Variants in MIB1 observed in about 807,000 individuals in gnomAD.
MIB1 encodes the protein MIB E3 ubiquitin protein ligase 1, also known as E3 ubiquitin-protein ligase MIB1.
In MIB1, 278 loss-of-function variants were observed where a neutral mutation model predicts 124.5. That is an observed-to-expected ratio of 2.23 (90% CI 2.02 to 2.47). The LOEUF (loss-of-function observed/expected upper bound fraction) is 2.47, where lower values mean the gene tolerates loss of function less well. Among genes scored for constraint, MIB1 ranks in the 30% most tolerant of loss-of-function variants. MIB1 has a pLI of 0.00. For missense variants in MIB1, 957 were observed against 1,254.4 expected (o/e 0.76, Z 3.58); for synonymous variants, 446 against 429.4 (o/e 1.04, Z -0.48).
At chr18:21,830,084 T>C (rs1048774193) in intron 12 of MIB1, among the ~76,000 whole-genome samples, 2 of 152,128 alleles carry the variant, frequency 1.3e-5, no homozygotes, top group Non-Finnish European at 2.9e-5. Flanking sequence ...CTGCAGCTTG[T>C]GATAAAAAGC....
At chr18:21,752,290 T>A (rs912491224) in intron 1 of MIB1, among the ~76,000 whole-genome samples, 3 of 152,204 alleles carry the variant, frequency 2.0e-5, no homozygotes, top group African/African-American at 7.2e-5. Context: ...TATCATATAA[T>A]AGTATTCAAA....
Position 21,857,238 on chromosome 18 carries a change from A to G in MIB1, c.2774A>G (p.Asp925Gly), listed in dbSNP as rs764114928. ...GGKSSEDATD[D>G]ISSGNIPVLQ... Reference sequence around the variant, plus strand: ...AAAAGTTCAGAAGATGCCACTGATGATATCTGTAAGTCGATTGTCTTAAGC... The same window carrying G: ...AAAAGTTCAGAAGATGCCACTGATGGTATCTGTAAGTCGATTGTCTTAAGC... The change falls in exon 19 of 21, where the codon GAT becomes GGT. Residue 925 changes from aspartate (D) to glycine (G), a missense_variant. By Grantham distance (94) the Asp-to-Gly change is moderately conservative. Coordinates refer to ENST00000261537, the MANE Select transcript of MIB1 (RefSeq NM_020774.4). 2 of 1,609,022 alleles carry G rather than the reference A, an allele frequency of 1.2e-6. No homozygotes were observed. Among genetic ancestry groups the G allele is most frequent in the African/African-American group, 2.7e-5 (2 of 74,824 alleles).
At chr18:21,776,781 C>T (rs906430347) in intron 4 of MIB1, among the ~76,000 whole-genome samples, 4 of 151,612 alleles carry the variant, frequency 2.6e-5, no homozygotes, top group Admixed American at 6.6e-5. Context: ...GTCAGGCGTT[C>T]GAGACCAGCC....
intron 9 of MIB1, among the ~76,000 whole-genome samples, chr18:21,800,606 C>T (rs8098170): frequency 0.016 from 2,461 of 152,174 alleles, 63 homozygotes; most frequent in African/African-American, 0.056. Flanking sequence ...GTATTACGTT[C>T]GGTGTCAGCC....
At chr18:21,723,759 C>T (rs2040725411) in intron 1 of MIB1, among the ~76,000 whole-genome samples, 1 of 152,212 alleles carries the variant, frequency 6.6e-6, no homozygotes, top group Admixed American at 6.5e-5. Context: ...CGTGATCCAC[C>T]CGCCTCAGCC....
intron 1 of MIB1, among the ~76,000 whole-genome samples, chr18:21,752,156 T>C (rs2040982061): frequency 6.6e-6 from 1 of 152,254 alleles, no homozygotes. Context: ...ACTATTGTAG[T>C]AGTACTGGGG....
At chr18:21,802,236 A>G (rs973874618) in intron 9 of MIB1, among the ~76,000 whole-genome samples, 1 of 152,162 alleles carries the variant, frequency 6.6e-6, no homozygotes, top group Non-Finnish European at 1.5e-5. Context: ...ACAATGATGC[A>G]CCTTGATGTG....
At chr18:21,848,710 TA>T (rs2042156128) in intron 16 of MIB1, among the ~76,000 whole-genome samples, 3 of 152,178 alleles carry the variant, frequency 2.0e-5, no homozygotes, top group Admixed American at 1.3e-4. Flanking sequence ...AGGATACACT[TA>T]AAAATGTCAA....
upstream of MIB1, among the ~76,000 whole-genome samples, chr18:21,740,701 G>A (rs1458754613): frequency 6.6e-6 from 1 of 152,228 alleles, no homozygotes; most frequent in Non-Finnish European, 1.5e-5. Context: ...GCAACTCCAG[G>A]GATCCGCCCC....
At chr18:21,809,600 T>C (rs1426033189) in intron 10 of MIB1, among the ~76,000 whole-genome samples, 1 of 152,064 alleles carries the variant, frequency 6.6e-6, no homozygotes, top group East Asian at 1.9e-4. Flanking sequence ...TGGTTTAACA[T>C]AGGAAAATCA....
intron 1 of MIB1, among the ~76,000 whole-genome samples, chr18:21,764,427 T>C (rs2041132690): frequency 6.6e-6 from 1 of 152,240 alleles, no homozygotes; most frequent in South Asian, 2.1e-4. Context: ...TACCCAGTAG[T>C]GTATTATATT....
chr18:21,825,973 A>C (rs2041921474), intron 12 of MIB1: 1 of 312,174 alleles, frequency 3.2e-6, no homozygotes, highest in Non-Finnish European at 6.3e-6. Flanking sequence ...TTTCCTTTTA[A>C]CACATTACTG....
intron 10 of MIB1, among the ~76,000 whole-genome samples, chr18:21,807,867 A>G (rs1193291759): frequency 5.3e-5 from 8 of 152,216 alleles, no homozygotes; most frequent in Non-Finnish European, 1.2e-4. Context: ...AACATATACA[A>G]AAGTAGAGAT....
intron 1 of MIB1, among the ~76,000 whole-genome samples, chr18:21,743,887 ATTATC>A (rs1247647787): frequency 1.3e-5 from 2 of 152,028 alleles, no homozygotes; most frequent in African/African-American, 2.4e-5. Context: ...TAATAGTTTT[ATTATC>A]TTAATATAAA....
intron 10 of MIB1, among the ~76,000 whole-genome samples, chr18:21,808,772 G>T (rs2041737439): frequency 6.6e-6 from 1 of 152,100 alleles, no homozygotes; most frequent in Admixed American, 6.6e-5. Flanking sequence ...TTTTGGATCT[G>T]CCGTGGACTC....
At chr18:21,833,209 C>T (rs1279648274) in intron 12 of MIB1, among the ~76,000 whole-genome samples, 1 of 152,120 alleles carries the variant, frequency 6.6e-6, no homozygotes, top group Non-Finnish European at 1.5e-5. Context: ...GGAAATTATT[C>T]CTCTTGGGAA....
intron 1 of MIB1, among the ~76,000 whole-genome samples, chr18:21,755,213 T>C (rs1366603920): frequency 6.6e-6 from 1 of 152,236 alleles, no homozygotes; most frequent in African/African-American, 2.4e-5. Context: ...TTTTTATCTT[T>C]GTAAGCCTGT....
chr18:21,739,167 A>G (rs2040814070), upstream of MIB1, among the ~76,000 whole-genome samples: 1 of 152,202 alleles, frequency 6.6e-6, no homozygotes, highest in African/African-American at 2.4e-5. Context: ...ACTTCTACGC[A>G]AATAAACTAG....
intron 6 of MIB1, among the ~76,000 whole-genome samples, chr18:21,783,310 T>G (rs936336981): frequency 1.3e-5 from 2 of 151,830 alleles, no homozygotes; most frequent in African/African-American, 2.4e-5. Flanking sequence ...TGGGACGATA[T>G]TGGCTCACTG....
Sources: gnomAD v4.1 joint callset for allele counts (sites outside exome capture counted in the v4.1 genomes callset) on GRCh38, gnomAD v4.1.1 for gene constraint, MANE v1.5 for transcripts, NCBI Gene and HGNC (gene_info 2026-07-23, HGNC 2026-07-21) for gene names.